DIPK1C: variants seen among roughly 807,000 people sequenced by gnomAD.
DIPK1C encodes divergent protein kinase domain 1C, also known as familial non-conventional Alzheimer's dementia.
A neutral mutation model predicts 28.0 loss-of-function variants in DIPK1C; 33 were observed. The ratio of observed to expected loss-of-function variants is 1.18; its 90% CI spans 0.89 to 1.58. The LOEUF (loss-of-function observed/expected upper bound fraction) is 1.58, where lower values mean the gene tolerates loss of function less well. Ranked by LOEUF, DIPK1C falls within the 40% of genes most tolerant of loss-of-function variation. DIPK1C has a pLI of 0.00. For synonymous variants in DIPK1C, 255 were observed against 248.8 expected (o/e 1.02, Z -0.23); for missense variants, 569 against 568.5 (o/e 1.00, Z -0.01).
At chr18:74,450,440 C>G (rs568220814) in intron 1 of DIPK1C, among the ~76,000 whole-genome samples, 14 of 152,342 alleles carry the variant, frequency 9.2e-5, no homozygotes, top group African/African-American at 3.4e-4. Context: ...TTCAGAGTCC[C>G]ACAGTGCTGA....
chr18:74,447,264 C>T lies in DIPK1C; in HGVS notation c.218G>A (p.Gly73Asp). Reference sequence around the variant, plus strand: ...CTCGCAGAGGTCCCCGGCCAGCGTGCCGCCCTGGTAGTCCTGGCACTGGAA... The same window carrying T: ...CTCGCAGAGGTCCCCGGCCAGCGTGTCGCCCTGGTAGTCCTGGCACTGGAA... ...LAALCQDYQG[G>D]TLAGDLCEDL... Residue 73 changes from glycine to aspartate, a missense_variant, in exon 2 of 4, where the codon GGC (glycine) becomes GAC (aspartate). Gly to Asp is a moderately conservative substitution (Grantham distance 94). Coordinates refer to ENST00000343998, the MANE Select transcript of DIPK1C (RefSeq NM_001044369.3). The surrounding 1 kb of genome is among the most constrained non-coding windows in gnomAD (Gnocchi z 4.1). 6.5e-7 allele frequency: 1 copy of T among 1,538,708 alleles called. No individual in the cohort carries two copies. The highest frequency in any genetic ancestry group is 8.8e-7 in the Non-Finnish European group (1 of 1,140,216).
In DIPK1C at chr18:74,436,628, G is replaced by C. The variant is rs17089289; in HGVS notation, c.1133C>G (p.Ala378Gly). ...SFQLQLQLQE[A>G]VQECADPGVP... ...CCCAGGGTCTGCACATTCCTGCACC[G>C]CCTCCTGTAACTGCAGCTGAAGCTG... is the stretch of plus-strand genomic sequence containing the variant. The change falls in exon 4 of 4, where the codon GCG (alanine) becomes GGG (glycine). Residue 378 changes from alanine to glycine, a missense_variant. Transcript: ENST00000343998. The C allele has an allele frequency of 8.1e-6, 13 of 1,613,742 alleles. No homozygotes were observed. The highest frequency in any genetic ancestry group is 2.2e-5 in the East Asian group (1 of 44,888).
intron 2 of DIPK1C, among the ~76,000 whole-genome samples, chr18:74,444,740 C>T (rs894924741): frequency 1.3e-5 from 2 of 152,148 alleles, no homozygotes; most frequent in African/African-American, 4.8e-5. Flanking sequence ...TCCTCCTGCC[C>T]TCCCCTCCCT....
intron 1 of DIPK1C, among the ~76,000 whole-genome samples, chr18:74,451,343 C>A (rs182451885): frequency 7.2e-5 from 11 of 152,286 alleles, no homozygotes; most frequent in Admixed American, 3.3e-4. Context: ...TCCTACCCGG[C>A]CTGGCCAAAT....
the DIPK1C span, among the ~76,000 whole-genome samples, chr18:74,464,632 CAAACAT>C: frequency 1.3e-5 from 2 of 152,172 alleles, no homozygotes; most frequent in African/African-American, 4.8e-5. Context: ...AAATACAAGG[CAAACAT>C]AAACATACAG....
chr18:74,462,563 A>C (rs1184238543), upstream of DIPK1C, among the ~76,000 whole-genome samples: 1 of 152,204 alleles, frequency 6.6e-6, no homozygotes, highest in Non-Finnish European at 1.5e-5. Context: ...CACTGTGTAC[A>C]CAGTGACACA....
In DIPK1C at chr18:74,447,105, G is replaced by A. The variant is rs918818261; in HGVS notation, c.377C>T (p.Pro126Leu). The change falls in exon 2 of 4, where the codon CCG becomes CTG. Residue 126 changes from proline to leucine, a missense_variant. Transcript: ENST00000343998. This position sits in a 1 kb window ranked among gnomAD's most constrained non-coding sequence, Gnocchi z 4.1. ...CTCCTCTTCCAACAGGCTGAGGGGC[G>A]GGAAGCTGGAGAAGGCCTCCTCCTT... ...KSKEEAFSSF[P>L]PLSLLEEEAG... The A allele has an allele frequency of 4.3e-5, 67 of 1,550,408 alleles. No homozygotes were observed. The highest frequency in any genetic ancestry group is 1.7e-4 in the Middle Eastern group (1 of 6,014).
chr18:74,447,175 C>T lies in DIPK1C; in HGVS notation c.307G>A (p.Val103Met). Residue 103 changes from valine (V) to methionine (M), a missense_variant, in exon 2 of 4, where the codon GTG becomes ATG. By Grantham distance (21) the Val-to-Met change is conservative. Transcript: ENST00000343998. This position sits in a 1 kb window ranked among gnomAD's most constrained non-coding sequence, Gnocchi z 4.1. The part of the protein sequence containing the change: ...RCLHYNRGKK[V>M]LQADWRGRPV... ...CGGCCGCGCCAGTCGGCCTGCAGCA[C>T]CTTCTTGCCTCTGTTGTAGTGCAGG... 1 of 1,550,572 alleles carries T rather than the reference C, an allele frequency of 6.4e-7. No homozygotes were observed. Among genetic ancestry groups the T allele is most frequent in the Non-Finnish European group, 8.7e-7 (1 of 1,146,988 alleles).
At chr18:74,440,225 C>T (rs568270650) in intron 3 of DIPK1C, among the ~76,000 whole-genome samples, 149 of 152,232 alleles carry the variant, frequency 9.8e-4, no homozygotes, top group East Asian at 4.4e-3. Context: ...ATTATGGGAT[C>T]GTATTGTAAA....
intron 1 of DIPK1C, among the ~76,000 whole-genome samples, chr18:74,452,493 G>A (rs538999605): frequency 2.8e-4 from 42 of 151,886 alleles, no homozygotes; most frequent in African/African-American, 5.8e-4. Flanking sequence ...CCCGTAATCC[G>A]AGCAGTTTGG....
chr18:74,461,950 T>C (rs918338825), upstream of DIPK1C, among the ~76,000 whole-genome samples: 1 of 148,804 alleles, frequency 6.7e-6, no homozygotes, highest in East Asian at 2.1e-4. Flanking sequence ...TTGGTAGAGA[T>C]GGAGTCTTGC....
Position 74,447,084 on chromosome 18 carries a change from T to A in DIPK1C, c.398A>T (p.Glu133Val). The A allele has an allele frequency of 6.4e-7, 1 of 1,550,454 alleles. No individual in the cohort carries two copies. Among genetic ancestry groups the A allele is most frequent in the Non-Finnish European group, 8.7e-7 (1 of 1,146,930 alleles). The stretch of plus-strand genomic sequence containing the variant: ...GTCCTGGCCACCCTCCCCTGCCTCC[T>A]CTTCCAACAGGCTGAGGGGCGGGAA... The part of the protein sequence containing the change: ...SSFPPLSLLE[E>V]EAGEGGQDMP... The change falls in exon 2 of 4, where the codon GAG (glutamate) becomes GTG (valine). Residue 133 changes from glutamate (E) to valine (V), a missense_variant. Coordinates refer to ENST00000343998, the MANE Select transcript of DIPK1C (RefSeq NM_001044369.3). This position sits in a 1 kb window ranked among gnomAD's most constrained non-coding sequence, Gnocchi z 4.1.
intron 3 of DIPK1C, among the ~76,000 whole-genome samples, chr18:74,439,297 T>G (rs902231812): frequency 3.3e-5 from 5 of 152,106 alleles, no homozygotes; most frequent in African/African-American, 1.2e-4. Context: ...TAGTCTGAGG[T>G]TAGGAGGAGG....
chr18:74,436,628 G>A lies in DIPK1C; in HGVS notation c.1133C>T (p.Ala378Val), dbSNP rs17089289. 1.1e-3 allele frequency: 1,833 copies of A among 1,613,738 alleles called. 1 individual carries two copies. The highest frequency in any genetic ancestry group is 1.5e-3 in the Non-Finnish European group (1,756 of 1,179,994). Reference protein sequence around the residue: ...SFQLQLQLQEAVQECADPGVP... With the variant: ...SFQLQLQLQEVVQECADPGVP... The stretch of plus-strand genomic sequence containing the variant: ...CCCAGGGTCTGCACATTCCTGCACC[G>A]CCTCCTGTAACTGCAGCTGAAGCTG... Residue 378 changes from alanine (A) to valine (V), a missense_variant, in exon 4 of 4, where the codon GCG (alanine) becomes GTG (valine). Coordinates refer to ENST00000343998, the MANE Select transcript of DIPK1C (RefSeq NM_001044369.3).
At chr18:74,442,323 T>C (rs1986147833) in intron 2 of DIPK1C, among the ~76,000 whole-genome samples, 1 of 150,792 alleles carries the variant, frequency 6.6e-6, no homozygotes, top group African/African-American at 2.5e-5. Context: ...ATTTTCTTTT[T>C]CTTTTTCTTT....
At chr18:74,441,665 G>T (rs1377036476) in intron 3 of DIPK1C, among the ~76,000 whole-genome samples, 2 of 152,160 alleles carry the variant, frequency 1.3e-5, no homozygotes, top group South Asian at 2.1e-4. Context: ...TTTATGAGAG[G>T]TTGTAGATAC....
At chr18:74,454,796 T>C (rs1232823208) in intron 1 of DIPK1C, among the ~76,000 whole-genome samples, 1 of 151,958 alleles carries the variant, frequency 6.6e-6, no homozygotes, top group Non-Finnish European at 1.5e-5. Context: ...GTCCTGAGAG[T>C]GTCCTGGGTA....
At chr18:74,442,177 C>A (rs762452414) in intron 2 of DIPK1C, 61 bp from the exon 3 acceptor site, 2 of 1,592,008 alleles carry the variant, frequency 1.3e-6, no homozygotes, top group Non-Finnish European at 1.7e-6. Flanking sequence ...AGAGAGGGAG[C>A]CTGTTCACAA....
upstream of DIPK1C, among the ~76,000 whole-genome samples, chr18:74,461,746 G>A (rs970745909): frequency 1.1e-4 from 16 of 152,024 alleles, no homozygotes; most frequent in East Asian, 5.8e-4. Flanking sequence ...GGTTATAGTC[G>A]TCATCTTATT....
Sources: gnomAD v4.1 joint callset for allele counts (sites outside exome capture counted in the v4.1 genomes callset) on GRCh38, gnomAD v4.1.1 for gene constraint, Gnocchi (gnomAD v3.1) non-coding constraint, MANE v1.5 for transcripts, NCBI Gene and HGNC (gene_info 2026-07-23, HGNC 2026-07-21) for gene names.